The following RANBP17 variants were observed in gnomAD, a reference collection of about 807,000 sequenced individuals.
RANBP17 encodes RAN binding protein 17.
Under a neutral mutation model 141.2 loss-of-function variants are expected in RANBP17, and 158 were observed. That is an observed-to-expected ratio of 1.12 (90% CI 0.98 to 1.28). The LOEUF is 1.28. Among genes scored for constraint, RANBP17 ranks in the 50% most tolerant of loss-of-function variants. The pLI, the probability that RANBP17 is intolerant of heterozygous loss-of-function variation, is 0.00. For synonymous variants in RANBP17, 430 were observed against 450.0 expected (o/e 0.96, Z 0.56); for missense variants, 1,438 against 1,290.7 (o/e 1.11, Z -1.75).
intron 12 of RANBP17, among the ~76,000 whole-genome samples, chr5:170,942,896 G>C (rs1774441424): frequency 6.6e-6 from 1 of 152,162 alleles, no homozygotes; most frequent in Non-Finnish European, 1.5e-5. Context: ...TAATAATTTA[G>C]TGGTATTACA....
intron 14 of RANBP17, among the ~76,000 whole-genome samples, chr5:170,998,710 GAGA>G (rs980365494): frequency 4.6e-5 from 7 of 152,064 alleles, no homozygotes; most frequent in African/African-American, 1.7e-4. Flanking sequence ...TTTTGCTGTT[GAGA>G]AATCAAATCG....
chr5:171,121,826 C>G (rs955330561), intron 14 of RANBP17, among the ~76,000 whole-genome samples: 2 of 152,160 alleles, frequency 1.3e-5, no homozygotes, highest in African/African-American at 2.4e-5. Flanking sequence ...ACCCCCACCA[C>G]ACCCCCACCC....
intron 18 of RANBP17, among the ~76,000 whole-genome samples, chr5:171,189,139 T>TG (rs1361858788): frequency 3.9e-5 from 6 of 152,206 alleles, no homozygotes; most frequent in Non-Finnish European, 8.8e-5. Context: ...AAAGAGGCTA[T>TG]GGTGGAAGTG....
At chr5:171,005,065 G>A (rs373165552) in intron 14 of RANBP17, among the ~76,000 whole-genome samples, 3 of 152,214 alleles carry the variant, frequency 2.0e-5, no homozygotes, top group East Asian at 1.9e-4. Context: ...TTTGAGGGCC[G>A]GATTCCAATT....
At chr5:171,197,417 G>A (rs1428189523) in intron 18 of RANBP17, among the ~76,000 whole-genome samples, 1 of 152,084 alleles carries the variant, frequency 6.6e-6, no homozygotes, top group Non-Finnish European at 1.5e-5. Context: ...CTGAGACTCA[G>A]AGTAATTAGT....
At chr5:171,257,427 C>A (rs544833425) in intron 24 of RANBP17, among the ~76,000 whole-genome samples, 38 of 152,214 alleles carry the variant, frequency 2.5e-4, no homozygotes, top group Non-Finnish European at 5.1e-4. Context: ...AATAAAGGCA[C>A]GTATGACAAA....
At chr5:171,006,907 C>T (rs536053069) in intron 14 of RANBP17, among the ~76,000 whole-genome samples, 4 of 152,158 alleles carry the variant, frequency 2.6e-5, no homozygotes, top group African/African-American at 9.6e-5. Flanking sequence ...TGTAAGCTGC[C>T]GTTTTAAGCC....
At chr5:170,925,989 G>T (rs1411830951) in intron 12 of RANBP17, among the ~76,000 whole-genome samples, 1 of 152,102 alleles carries the variant, frequency 6.6e-6, no homozygotes, top group African/African-American at 2.4e-5. Flanking sequence ...TAAAATCAGT[G>T]CTCCTTAACA....
chr5:171,083,245 T>G (rs976286126), intron 14 of RANBP17, among the ~76,000 whole-genome samples: 15 of 152,136 alleles, frequency 9.9e-5, no homozygotes, highest in African/African-American at 3.6e-4. Flanking sequence ...GTGGGACCTT[T>G]AAGAGGTAAT....
At chr5:171,109,110 G>A (rs1367014184) in intron 14 of RANBP17, among the ~76,000 whole-genome samples, 2 of 152,058 alleles carry the variant, frequency 1.3e-5, no homozygotes, top group South Asian at 2.1e-4. Flanking sequence ...ACAGAAAACG[G>A]TATACAGGTC....
rs571916187 is a variant in RANBP17 at position 171,277,041 on chromosome 5, T to G, written c.2943+11194T>G. Among the ~76,000 whole-genome samples, 18 of 151,484 alleles carry G rather than the reference T, an allele frequency of 1.2e-4. No homozygotes were observed. In the South Asian group the frequency reaches 3.5e-3, roughly 30 times the overall value. ...GTATTCAAAAGGAATTGCTTTTATC[T>G]GTTGACATTCAGTGATTTTTGGTTT... On this transcript the variant is annotated intron_variant, in intron 25 of 27. Coordinates refer to ENST00000523189, the MANE Select transcript of RANBP17 (RefSeq NM_022897.5).
chr5:171,058,158 T>C (rs552252591), intron 14 of RANBP17, among the ~76,000 whole-genome samples: 1 of 152,092 alleles, frequency 6.6e-6, no homozygotes, highest in East Asian at 1.9e-4. Flanking sequence ...AAAATGTATT[T>C]TTTTATTTTA....
intron 14 of RANBP17, among the ~76,000 whole-genome samples, chr5:171,096,869 T>TCTTA (rs1786733917): frequency 6.6e-6 from 1 of 152,122 alleles, no homozygotes; most frequent in African/African-American, 2.4e-5. Flanking sequence ...GGTGGAGGGA[T>TCTTA]GTTTCTAAGA....
intron 25 of RANBP17, among the ~76,000 whole-genome samples, chr5:171,271,835 G>A (rs889918183): frequency 1.3e-5 from 2 of 152,138 alleles, no homozygotes; most frequent in African/African-American, 4.8e-5. Context: ...CTACAATCTT[G>A]GTTTTAACAG....
chr5:171,154,318 C>A (rs1758703332), intron 14 of RANBP17, among the ~76,000 whole-genome samples: 1 of 151,994 alleles, frequency 6.6e-6, no homozygotes, highest in Admixed American at 6.5e-5. Flanking sequence ...GCTTTGTCAC[C>A]CAGGCTGGAG....
intron 11 of RANBP17, among the ~76,000 whole-genome samples, chr5:170,923,991 CTTTTCTT>C (rs1362323910): frequency 2.7e-5 from 4 of 150,318 alleles, no homozygotes; most frequent in East Asian, 1.9e-4. Context: ...TTTTTTATTT[CTTTTCTT>C]TTTTCTTTTT....
At position 171,171,189 on chromosome 5, in the gene RANBP17, C is replaced by CT. The variant is rs751209366; in HGVS notation, c.1785-10dup. 1.4e-6 allele frequency: 2 copies of CT among 1,438,478 alleles called. No individual in the cohort carries two copies. Among genetic ancestry groups the CT allele is most frequent in the East Asian group, 2.3e-5 (1 of 43,556 alleles). 89.1% of individuals were successfully genotyped at this position (1,438,478 alleles called of 1,614,324 possible). A position where few individuals can be genotyped will look rare whatever the true frequency, so the allele number is the denominator to read the frequency against. ...CAAATATCTTACTTATAATTAAAGA[C>CT]TTTTTTTCATATTTAGTGTTACAAA... On this transcript the variant is annotated splice_polypyrimidine_tract_variant and intron_variant, in intron 15 of 27. Coordinates refer to ENST00000523189, the MANE Select transcript of RANBP17 (RefSeq NM_022897.5).
At chr5:170,977,374 G>C (rs1235989757) in intron 14 of RANBP17, among the ~76,000 whole-genome samples, 1 of 151,944 alleles carries the variant, frequency 6.6e-6, no homozygotes, top group Non-Finnish European at 1.5e-5. Context: ...TGGAGAAATA[G>C]GAATCTTCAT....
intron 7 of RANBP17, chr5:170,911,480 G>A (rs901082503): frequency 1.4e-6 from 1 of 691,006 alleles, no homozygotes. Flanking sequence ...ATTTTCAGGT[G>A]CTGGTCAAAC....
Sources: gnomAD v4.1 joint callset for allele counts (sites outside exome capture counted in the v4.1 genomes callset) on GRCh38, gnomAD v4.1.1 for gene constraint, MANE v1.5 for transcripts, NCBI Gene and HGNC (gene_info 2026-07-23, HGNC 2026-07-21) for gene names.